ZDHHC14: variants seen among roughly 807,000 people sequenced by gnomAD.
ZDHHC14 encodes the protein zDHHC palmitoyltransferase 14.
Under a neutral mutation model 47.7 loss-of-function variants are expected in ZDHHC14, and 16 were observed. That is an observed-to-expected ratio of 0.34 (90% CI 0.23 to 0.51). The LOEUF is 0.51. Among genes scored for constraint, ZDHHC14 ranks in the 20% least tolerant of loss-of-function variants. ZDHHC14 has a pLI of 0.97. For missense variants in ZDHHC14, 515 were observed against 662.5 expected (o/e 0.78, Z 2.44); for synonymous variants, 293 against 278.9 (o/e 1.05, Z -0.50).
intron 1 of ZDHHC14, among the ~76,000 whole-genome samples, chr6:157,403,337 T>A (rs558967802): frequency 7.2e-5 from 11 of 152,218 alleles, no homozygotes; most frequent in Non-Finnish European, 1.5e-4. Flanking sequence ...AAGCATATAT[T>A]TTGTGAAATT....
At chr6:157,550,695 G>A (rs1158653300) in intron 2 of ZDHHC14, among the ~76,000 whole-genome samples, 1 of 152,240 alleles carries the variant, frequency 6.6e-6, no homozygotes, top group African/African-American at 2.4e-5. Context: ...TCTTTGTGTA[G>A]TTTGTGTACC....
intron 1 of ZDHHC14, among the ~76,000 whole-genome samples, chr6:157,426,192 G>C (rs1225244806): frequency 6.6e-6 from 1 of 152,126 alleles, no homozygotes; most frequent in Non-Finnish European, 1.5e-5. Flanking sequence ...GGGCAGGAGG[G>C]ATCTGGCACA....
chr6:157,439,436 A>G (rs147325989), intron 1 of ZDHHC14, among the ~76,000 whole-genome samples: 1,787 of 152,352 alleles, frequency 0.012, 11 homozygotes, highest in Non-Finnish European at 0.017. Flanking sequence ...CATTAGAGAA[A>G]TGCAAATCAA....
At chr6:157,448,310 A>T (rs1778728046) in intron 1 of ZDHHC14, among the ~76,000 whole-genome samples, 1 of 152,142 alleles carries the variant, frequency 6.6e-6, no homozygotes, top group African/African-American at 2.4e-5. Flanking sequence ...CCTCTCCCAA[A>T]TGAATATTTT....
At chr6:157,504,663 G>C (rs1050455573) in intron 1 of ZDHHC14, among the ~76,000 whole-genome samples, 3 of 151,836 alleles carry the variant, frequency 2.0e-5, no homozygotes, top group African/African-American at 4.8e-5. Context: ...TGCCCACCTC[G>C]GCCTCCCAAA....
intron 2 of ZDHHC14, among the ~76,000 whole-genome samples, chr6:157,566,569 T>C (rs1782909531): frequency 6.6e-6 from 1 of 152,166 alleles, no homozygotes; most frequent in Admixed American, 6.5e-5. Flanking sequence ...CCACTTCTGC[T>C]CTTTCAGGGT....
intron 1 of ZDHHC14, among the ~76,000 whole-genome samples, chr6:157,480,573 A>T (rs1037828101): frequency 1.3e-5 from 2 of 152,208 alleles, no homozygotes; most frequent in African/African-American, 4.8e-5. Flanking sequence ...GGCCTAGGCC[A>T]GGCTTTTGAT....
chr6:157,432,774 C>A (rs1450746362), intron 1 of ZDHHC14, among the ~76,000 whole-genome samples: 1 of 152,206 alleles, frequency 6.6e-6, no homozygotes, highest in Admixed American at 6.5e-5. Context: ...CACGAGCCAC[C>A]TGTTTCAACC....
At position 157,659,877 on chromosome 6, in the gene ZDHHC14, G is replaced by A. The variant is rs376106616; in HGVS notation, c.1068+6250G>A. Among the ~76,000 whole-genome samples, 50 of 152,320 alleles carry A rather than the reference G, an allele frequency of 3.3e-4. 1 individual carries two copies. Among genetic ancestry groups the A allele is most frequent in the East Asian group, 9.6e-4 (5 of 5,182 alleles). Reference sequence around the variant, plus strand: ...GATGGGAAAACAAATACACAAATCCGTTAGTGCTGAATTAGTCAGAATCGC... The same window carrying A: ...GATGGGAAAACAAATACACAAATCCATTAGTGCTGAATTAGTCAGAATCGC... On this transcript the variant is annotated intron_variant, in intron 8 of 8. Coordinates refer to ENST00000359775, the MANE Select transcript of ZDHHC14 (RefSeq NM_024630.3).
At chr6:157,655,600 A>G (rs1369189446) in intron 8 of ZDHHC14, among the ~76,000 whole-genome samples, 1 of 152,226 alleles carries the variant, frequency 6.6e-6, no homozygotes, top group African/African-American at 2.4e-5. Flanking sequence ...TACACACAAT[A>G]ACCTCTCATT....
At chr6:157,432,100 A>T (rs990463131) in intron 1 of ZDHHC14, among the ~76,000 whole-genome samples, 1 of 152,132 alleles carries the variant, frequency 6.6e-6, no homozygotes, top group Non-Finnish European at 1.5e-5. Context: ...AGCCAGTAAC[A>T]ATCTACTGAA....
At chr6:157,457,483 C>T (rs1562433058) in intron 1 of ZDHHC14, among the ~76,000 whole-genome samples, 1 of 152,200 alleles carries the variant, frequency 6.6e-6, no homozygotes, top group Non-Finnish European at 1.5e-5. Flanking sequence ...AAAGCCTGTA[C>T]TGTTCTTACT....
intron 1 of ZDHHC14, among the ~76,000 whole-genome samples, chr6:157,402,977 C>A (rs956559594): frequency 6.6e-6 from 1 of 152,198 alleles, no homozygotes; most frequent in African/African-American, 2.4e-5. Flanking sequence ...TCAGGTGATC[C>A]GCCCGCATCT....
At chr6:157,539,236 T>A (rs1244713125) in intron 1 of ZDHHC14, among the ~76,000 whole-genome samples, 1 of 151,778 alleles carries the variant, frequency 6.6e-6, no homozygotes. Flanking sequence ...AAAGTGTTTC[T>A]ACAAAACACA....
chr6:157,576,570 A>G (rs1783316750), intron 2 of ZDHHC14, among the ~76,000 whole-genome samples: 1 of 152,218 alleles, frequency 6.6e-6, no homozygotes. Context: ...GACTAAAATG[A>G]GCATTATGAA....
At chr6:157,454,589 C>G (rs1314746759) in intron 1 of ZDHHC14, among the ~76,000 whole-genome samples, 1 of 149,420 alleles carries the variant, frequency 6.7e-6, no homozygotes, top group African/African-American at 2.5e-5. Context: ...CAGCCTTGAA[C>G]TCCTTGGCTC....
chr6:157,640,229 C>T (rs755983584), intron 5 of ZDHHC14, among the ~76,000 whole-genome samples: 2 of 152,236 alleles, frequency 1.3e-5, no homozygotes, highest in Non-Finnish European at 2.9e-5. Context: ...CATTTTTAAT[C>T]ATGACTTATT....
intron 1 of ZDHHC14, among the ~76,000 whole-genome samples, chr6:157,402,947 C>G (rs1777674557): frequency 6.6e-6 from 1 of 152,208 alleles, no homozygotes; most frequent in Admixed American, 6.5e-5. Flanking sequence ...TCTGGCCAGG[C>G]TGGTCTCGAA....
intron 2 of ZDHHC14, among the ~76,000 whole-genome samples, chr6:157,562,983 A>T (rs1388922677): frequency 2.0e-5 from 3 of 150,990 alleles, no homozygotes; most frequent in African/African-American, 7.3e-5. Flanking sequence ...GAGGCTGCCC[A>T]GGAGGTGAAA....
Sources: allele counts gnomAD v4.1 joint callset (sites outside exome capture counted in the v4.1 genomes callset), GRCh38; gene constraint gnomAD v4.1.1; transcripts MANE v1.5; gene names NCBI Gene and HGNC (gene_info 2026-07-23, HGNC 2026-07-21).